TBC1D22B: variants seen among roughly 807,000 people sequenced by gnomAD.
TBC1D22B encodes TBC1 domain family member 22B.
Under a neutral mutation model 69.1 loss-of-function variants are expected in TBC1D22B, and 32 were observed. That is an observed-to-expected ratio of 0.46 (90% confidence interval 0.35 to 0.62). The LOEUF (loss-of-function observed/expected upper bound fraction) is 0.62. Ranked by LOEUF, TBC1D22B falls within the 20% of genes least tolerant of loss-of-function variation. The pLI is 0.00. For synonymous variants in TBC1D22B, 206 were observed against 229.8 expected (o/e 0.90, Z 0.94); for missense variants, 462 against 630.9 (o/e 0.73, Z 2.87).
intron 12 of TBC1D22B, among the ~76,000 whole-genome samples, chr6:37,326,250 C>T (rs902019768): frequency 5.9e-5 from 9 of 151,746 alleles, no homozygotes; most frequent in East Asian, 2.0e-4. Flanking sequence ...TGCAGTGGCG[C>T]GCACCTGTAA....
chr6:37,282,189 T>C lies in TBC1D22B; in HGVS notation c.426T>C (p.Asp142=). Residue 142 remains aspartate, a synonymous_variant, in exon 4 of 13, where the codon GAT becomes GAC. Transcript: ENST00000373491. ...SDAQLSRNSS[D]TCLRNPLHKQ... The stretch of plus-strand genomic sequence containing the variant: ...TTCTTTTTCAAATGATCTCAGGTGA[T>C]ACATGCCTGAGGAACCCACTCCACA... The C allele has an allele frequency of 6.2e-7, 1 of 1,614,078 alleles. No individual in the cohort carries two copies. The highest frequency in any genetic ancestry group is 8.5e-7 in the Non-Finnish European group (1 of 1,179,930).
At position 37,330,981 on chromosome 6, in the gene TBC1D22B, T is replaced by C. The variant is rs983377431; in HGVS notation, c.1390-63T>C. ...CATTCTAGGCCTTGGTCTCTAAGAA[T>C]GGGTTCACTTGTCTGATGGTCTACG... On this transcript the variant is annotated intron_variant, in intron 12 of 12. Coordinates refer to ENST00000373491, the MANE Select transcript of TBC1D22B (RefSeq NM_017772.4). The C allele has an allele frequency of 2.5e-6, 4 of 1,593,748 alleles. No individual in the cohort carries two copies. The African/African-American group carries it at 5.4e-5, about 21-fold the overall frequency.
intron 8 of TBC1D22B, among the ~76,000 whole-genome samples, chr6:37,305,134 C>G (rs984308876): frequency 6.6e-6 from 1 of 152,148 alleles, no homozygotes; most frequent in Non-Finnish European, 1.5e-5. Context: ...GTGCTCGCCC[C>G]CCACGCTCAG....
chr6:37,316,395 T>C (rs948706766), intron 10 of TBC1D22B, among the ~76,000 whole-genome samples: 4 of 152,186 alleles, frequency 2.6e-5, no homozygotes, highest in African/African-American at 9.7e-5. Flanking sequence ...GTACTAAGGT[T>C]GAGCAGCCAA....
intron 7 of TBC1D22B, among the ~76,000 whole-genome samples, chr6:37,288,213 A>AT (rs1478066563): frequency 6.6e-6 from 1 of 152,220 alleles, no homozygotes; most frequent in Non-Finnish European, 1.5e-5. Flanking sequence ...CATAAAGAAG[A>AT]TTTTGAAGGT....
chr6:37,287,090 T>C lies in TBC1D22B; in HGVS notation c.867+18T>C. 1.3e-6 allele frequency: 2 copies of C among 1,588,248 alleles called. No homozygotes were observed. The highest frequency in any genetic ancestry group is 1.7e-6 in the Non-Finnish European group (2 of 1,169,956). On this transcript the variant is annotated intron_variant, in intron 7 of 12. Transcript: ENST00000373491. ...TACAGGAGGTGAGGGAATTACTTAA[T>C]GTTCTTTGGCGCTTCTCCCCGCATA...
chr6:37,269,749 C>T (rs996694131), intron 2 of TBC1D22B, 99 bp downstream of exon 2: 19 of 1,142,928 alleles, frequency 1.7e-5, no homozygotes, highest in Admixed American at 7.2e-5. Flanking sequence ...CATTTTTTAG[C>T]GTCTCTTCTG....
intron 8 of TBC1D22B, among the ~76,000 whole-genome samples, chr6:37,311,304 G>A (rs1767905041): frequency 6.6e-6 from 1 of 151,584 alleles, no homozygotes; most frequent in Non-Finnish European, 1.5e-5. Flanking sequence ...TCTTTAAACG[G>A]GTGAGAATCC....
intron 2 of TBC1D22B, among the ~76,000 whole-genome samples, chr6:37,271,885 A>G (rs11961609): frequency 0.034 from 4,659 of 136,666 alleles, 240 homozygotes; most frequent in African/African-American, 0.12. Context: ...AGAAACCACT[A>G]TTGTATAGAT....
Position 37,286,894 on chromosome 6 carries a change from A to T in TBC1D22B, c.802-113A>T. ...TGGAGGCAGAGGTTGCAGTGAGCTG[A>T]GATAGTGCCATTGCACTCCAGCCTG... On this transcript the variant is annotated intron_variant, in intron 6 of 12. Transcript: ENST00000373491. 3 of 876,502 alleles carry T rather than the reference A, an allele frequency of 3.4e-6. No individual in the cohort carries two copies. In the Admixed American group the frequency reaches 7.0e-5, roughly 21 times the overall value. 54.3% of individuals were successfully genotyped at this position (876,502 alleles called of 1,614,324 possible).
At chr6:37,310,085 A>C (rs1312980756) in intron 8 of TBC1D22B, among the ~76,000 whole-genome samples, 1 of 146,672 alleles carries the variant, frequency 6.8e-6, no homozygotes, top group Non-Finnish European at 1.5e-5. Context: ...ATTTAAATAT[A>C]TGTGAAATAT....
intron 12 of TBC1D22B, among the ~76,000 whole-genome samples, chr6:37,325,540 CTTTTTTTTTTTTT>C (rs70977648): frequency 2.6e-5 from 2 of 77,174 alleles, no homozygotes; most frequent in African/African-American, 1.0e-4. Flanking sequence ...ATCGTTTCTA[CTTTTTTTTTTTTT>C]TTTTTTTTTT....
chr6:37,258,549 T>C lies in TBC1D22B; in HGVS notation c.56+576T>C, dbSNP rs75049027. ...GAATTATTACAAGACGACCACAGAA[T>C]CAGGGTTATTCCTTTGGCATTTTCT... On this transcript the variant is annotated intron_variant, in intron 1 of 12. Transcript: ENST00000373491. Among the ~76,000 whole-genome samples the C allele has an allele frequency of 6.9e-3, 1,057 of 152,340 alleles. 11 individuals are homozygous for C. Among genetic ancestry groups the C allele is most frequent in the African/African-American group, 0.023 (943 of 41,576 alleles).
Position 37,331,194 on chromosome 6 carries a change from C to G in TBC1D22B, c.*22C>G. 1 of 1,613,030 alleles carries G rather than the reference C, an allele frequency of 6.2e-7. No individual in the cohort carries two copies. The highest frequency in any genetic ancestry group is 8.5e-7 in the Non-Finnish European group (1 of 1,179,266). On this transcript the variant is annotated 3_prime_UTR_variant, in exon 13 of 13. Coordinates refer to ENST00000373491, the MANE Select transcript of TBC1D22B (RefSeq NM_017772.4). ...ATAGGTGCTGTCTCCTCCGGGGACCCAGACTGCCTTCATCTCTGATGGCAG... is the reference window on the plus strand; with the variant it reads ...ATAGGTGCTGTCTCCTCCGGGGACCGAGACTGCCTTCATCTCTGATGGCAG...
At chr6:37,293,635 A>G (rs1767264792) in intron 8 of TBC1D22B, among the ~76,000 whole-genome samples, 1 of 152,214 alleles carries the variant, frequency 6.6e-6, no homozygotes, top group African/African-American at 2.4e-5. Flanking sequence ...GTAAGTGTTC[A>G]AGGGAAAGGA....
rs200089301 is a variant in TBC1D22B, at chr6:37,279,553, C to T, written c.363C>T (p.Val121=). The stretch of plus-strand genomic sequence containing the variant: ...GGTCCCAGTCAACGACATCGGACGT[C>T]CCTGCCAACTACAAGGTCATAAAGT... ...PERSQSTTSD[V]PANYKVIKSS... The change falls in exon 3 of 13, where the codon GTC becomes GTT. Residue 121 remains valine (V), a synonymous_variant. Coordinates refer to ENST00000373491, the MANE Select transcript of TBC1D22B (RefSeq NM_017772.4). The T allele has an allele frequency of 1.5e-5, 25 of 1,614,222 alleles. No homozygotes were observed. The highest frequency in any genetic ancestry group is 2.2e-5 in the South Asian group (2 of 91,088).
At position 37,287,199 on chromosome 6, in the gene TBC1D22B, A is replaced by G. The variant is rs1767033138; in HGVS notation, c.867+127A>G. ...TATGCAGCTTTGGTTCCTTCAGAGC[A>G]TGGTTTCATACATTTTCATTTGATC... On this transcript the variant is annotated intron_variant, in intron 7 of 12. Transcript: ENST00000373491. 11 of 658,090 alleles carry G rather than the reference A, an allele frequency of 1.7e-5. No homozygotes were observed. The Admixed American group carries it at 3.2e-4, about 19-fold the overall frequency. 40.8% of individuals were successfully genotyped at this position (658,090 alleles called of 1,614,324 possible).
intron 1 of TBC1D22B, among the ~76,000 whole-genome samples, chr6:37,265,847 A>T (rs753795956): frequency 2.0e-5 from 3 of 152,172 alleles, no homozygotes; most frequent in Non-Finnish European, 4.4e-5. Context: ...ATCAATGTGA[A>T]AGTGATTGAT....
At position 37,331,305 on chromosome 6, in the gene TBC1D22B, C is replaced by T. The variant is rs1259344628; in HGVS notation, c.*133C>T. The stretch of plus-strand genomic sequence containing the variant: ...CAAAGCTCACACCCACCGCCCAGGT[C>T]TTAACTTTCTGGCATCCACCACTCC... On this transcript the variant is annotated 3_prime_UTR_variant, in exon 13 of 13. Transcript: ENST00000373491. 3 of 875,684 alleles carry T rather than the reference C, an allele frequency of 3.4e-6. No individual in the cohort carries two copies. The highest frequency in any genetic ancestry group is 7.2e-4 in the Middle Eastern group (2 of 2,762). The allele number at this position is 875,684 out of a possible 1,614,324, so 54.2% of individuals were successfully genotyped here.
Sources: gnomAD v4.1 joint callset for allele counts (sites outside exome capture counted in the v4.1 genomes callset) on GRCh38, gnomAD v4.1.1 for gene constraint, MANE v1.5 for transcripts, NCBI Gene and HGNC (gene_info 2026-07-23, HGNC 2026-07-21) for gene names.